The following ZNF385B variants were observed in gnomAD, a reference collection of about 807,000 sequenced individuals.
The protein encoded by ZNF385B is zinc finger protein 385B.
ZNF385B carries 23 observed loss-of-function variants against 39.2 expected under a neutral mutation model. The observed-to-expected ratio is 0.59, with a 90% CI of 0.42 to 0.83. The LOEUF (loss-of-function observed/expected upper bound fraction) is 0.83. Ranked by LOEUF, ZNF385B falls within the 40% of genes least tolerant of loss-of-function variation. The probability of loss-of-function intolerance (pLI) is 0.00; values close to 1 mark genes in which losing one functional copy is unlikely to be tolerated. For missense variants in ZNF385B, 552 were observed against 598.9 expected, an observed-to-expected ratio of 0.92 and a Z score of 0.82; for synonymous variants, 205 against 222.6, an observed-to-expected ratio of 0.92 and a Z score of 0.70.
chr2:179,669,611 A>G (rs1021252508), intron 3 of ZNF385B, among the ~76,000 whole-genome samples: 9 of 152,252 alleles, frequency 5.9e-5, no homozygotes, highest in Admixed American at 1.3e-4. Context: ...ATTGAGGGGG[A>G]AAATGAAAAA....
chr2:179,818,224 G>C (rs1259216602), intron 1 of ZNF385B, among the ~76,000 whole-genome samples: 1 of 152,120 alleles, frequency 6.6e-6, no homozygotes, highest in Admixed American at 6.5e-5. Flanking sequence ...AATCATACAA[G>C]TGCAGTTTTA....
intron 1 of ZNF385B, among the ~76,000 whole-genome samples, chr2:179,799,198 T>C (rs1348207204): frequency 1.3e-5 from 2 of 152,102 alleles, no homozygotes; most frequent in African/African-American, 2.4e-5. Context: ...ATAATGATTA[T>C]ACTGATTCAG....
At chr2:179,543,862 T>C (rs539035542) in intron 4 of ZNF385B, among the ~76,000 whole-genome samples, 12 of 152,332 alleles carry the variant, frequency 7.9e-5, no homozygotes. Flanking sequence ...GGAAAAATCC[T>C]CTTGCTGTTT....
intron 3 of ZNF385B, among the ~76,000 whole-genome samples, chr2:179,593,628 A>G (rs1687757015): frequency 2.0e-5 from 3 of 152,166 alleles, no homozygotes; most frequent in Admixed American, 2.0e-4. Context: ...AAGAAAAGCA[A>G]TTCTGTCCTT....
At chr2:179,621,641 T>C (rs1386662037) in intron 3 of ZNF385B, among the ~76,000 whole-genome samples, 1 of 152,104 alleles carries the variant, frequency 6.6e-6, no homozygotes, top group Non-Finnish European at 1.5e-5. Flanking sequence ...CTCCCTACCT[T>C]CCTTTACTTC....
chr2:179,519,623 G>A (rs998653608), intron 4 of ZNF385B, among the ~76,000 whole-genome samples: 1 of 152,180 alleles, frequency 6.6e-6, no homozygotes, highest in Non-Finnish European at 1.5e-5. Context: ...AAGAGACACA[G>A]CAGTGATTCT....
At chr2:179,536,386 C>T (rs2059567550) in intron 4 of ZNF385B, 2 of 152,064 alleles carry the variant, frequency 1.3e-5, no homozygotes, top group Non-Finnish European at 2.9e-5. Context: ...ATCTGATGTC[C>T]CCTCCAAGTA....
intron 1 of ZNF385B, among the ~76,000 whole-genome samples, chr2:179,820,251 G>A (rs1048067940): frequency 3.3e-5 from 5 of 151,976 alleles, no homozygotes; most frequent in African/African-American, 4.8e-5. Flanking sequence ...GGAATAACAC[G>A]TAGATTTCAT....
At chr2:179,760,713 G>C (rs1355617660) in intron 3 of ZNF385B, among the ~76,000 whole-genome samples, 1 of 152,018 alleles carries the variant, frequency 6.6e-6, no homozygotes, top group Non-Finnish European at 1.5e-5. Context: ...TAAACCCAAC[G>C]GCAAGCATCC....
rs117133869 is a variant in ZNF385B at position 179,468,089 on chromosome 2, T to C, written c.715+15183A>G. ...CCTTGTCTAAGCATCATATGACAAC[T>C]ACCCTGTTGTACCTTGTGCCACTTT... On this transcript the variant is annotated intron_variant, in intron 6 of 9. Transcript: ENST00000410066. 3.1e-3 allele frequency among the ~76,000 whole-genome samples: 467 copies of C among 152,304 alleles called. 5 individuals are homozygous for C. Among genetic ancestry groups the C allele is most frequent in the East Asian group, 0.027 (141 of 5,176 alleles).
chr2:179,844,675 T>C (rs1490334121), intron 1 of ZNF385B, among the ~76,000 whole-genome samples: 1 of 152,182 alleles, frequency 6.6e-6, no homozygotes, highest in Non-Finnish European at 1.5e-5. Flanking sequence ...TTTGATTCAC[T>C]GATACTGCAA....
At chr2:179,729,338 T>G (rs2106423604) in intron 3 of ZNF385B, among the ~76,000 whole-genome samples, 1 of 152,160 alleles carries the variant, frequency 6.6e-6, no homozygotes, top group South Asian at 2.1e-4. Context: ...CAGCTGGAGG[T>G]GGACCCAATC....
intron 1 of ZNF385B, among the ~76,000 whole-genome samples, chr2:179,844,084 G>T (rs982747828): frequency 6.6e-6 from 1 of 152,174 alleles, no homozygotes; most frequent in African/African-American, 2.4e-5. Context: ...TTTTATAGCA[G>T]ATCGGTCCAG....
At chr2:179,801,240 G>A (rs915218951) in intron 1 of ZNF385B, among the ~76,000 whole-genome samples, 17 of 152,052 alleles carry the variant, frequency 1.1e-4, no homozygotes, top group African/African-American at 2.7e-4. Flanking sequence ...AGCTGCTCAC[G>A]GAGGCCTTGC....
chr2:179,603,836 T>C (rs1192079105), intron 3 of ZNF385B, among the ~76,000 whole-genome samples: 2 of 152,172 alleles, frequency 1.3e-5, no homozygotes, highest in Admixed American at 1.3e-4. Context: ...TAATTCTATA[T>C]TTATGGGAGA....
chr2:179,790,197 A>G (rs984650350), intron 1 of ZNF385B, among the ~76,000 whole-genome samples: 5 of 152,184 alleles, frequency 3.3e-5, no homozygotes, highest in African/African-American at 1.2e-4. Context: ...ACAAAATTGA[A>G]AAGAGGAAAT....
At chr2:179,829,977 G>A (rs1707893984) in intron 1 of ZNF385B, among the ~76,000 whole-genome samples, 2 of 152,166 alleles carry the variant, frequency 1.3e-5, no homozygotes, top group African/African-American at 4.8e-5. Flanking sequence ...AAACATATAT[G>A]TGATAAAGAA....
At chr2:179,560,535 C>T (rs149861853) in intron 3 of ZNF385B, among the ~76,000 whole-genome samples, 193 of 152,266 alleles carry the variant, frequency 1.3e-3, no homozygotes, top group African/African-American at 4.2e-3. Context: ...CTCTGATTGA[C>T]TTGTATCTCT....
chr2:179,674,538 T>C (rs2106311607), intron 3 of ZNF385B, among the ~76,000 whole-genome samples: 1 of 152,346 alleles, frequency 6.6e-6, no homozygotes, highest in Middle Eastern at 3.4e-3. Flanking sequence ...CTTGCCAATA[T>C]TCTAGAATTT....
Sources: allele counts gnomAD v4.1 joint callset (sites outside exome capture counted in the v4.1 genomes callset), GRCh38; gene constraint gnomAD v4.1.1; transcripts MANE v1.5; gene names NCBI Gene and HGNC (gene_info 2026-07-23, HGNC 2026-07-21).